Variants in CSMD3 observed in about 807,000 individuals in gnomAD.
CSMD3 encodes the protein CUB and sushi domain-containing protein 3.
CSMD3 carries 177 observed loss-of-function variants against 435.2 expected under a neutral mutation model. The observed-to-expected ratio is 0.41, with a 90% confidence interval of 0.36 to 0.46. The LOEUF (loss-of-function observed/expected upper bound fraction) is 0.46, where lower values mean the gene tolerates loss of function less well. Ranked by LOEUF, CSMD3 falls within the 20% of genes least tolerant of loss-of-function variation. The pLI, the probability that CSMD3 is intolerant of heterozygous loss-of-function variation, is 0.34. For synonymous variants in CSMD3, 1,656 were observed against 1,520.5 expected (o/e 1.09, Z -2.07); for missense variants, 4,265 against 4,504.6 (o/e 0.95, Z 1.52).
chr8:112,369,774 A>T (rs1303059980), intron 38 of CSMD3, among the ~76,000 whole-genome samples: 1 of 151,998 alleles, frequency 6.6e-6, no homozygotes, highest in African/African-American at 2.4e-5. Context: ...CGGGGCTTAA[A>T]ACCTGGATTA....
intron 5 of CSMD3, among the ~76,000 whole-genome samples, chr8:113,076,812 T>C (rs9297488): frequency 0.67 from 102,199 of 151,962 alleles, 35,979 homozygotes; most frequent in East Asian, 0.95. Flanking sequence ...AAAGTCAAGG[T>C]AAACAATTTA....
chr8:112,817,790 A>T (rs10100915), intron 12 of CSMD3, among the ~76,000 whole-genome samples: 1 of 151,776 alleles, frequency 6.6e-6, no homozygotes, highest in African/African-American at 2.4e-5. Flanking sequence ...AATTTTCATC[A>T]TTTTAGAAAT....
At position 112,337,603 on chromosome 8, in the gene CSMD3, C is replaced by T. The variant is rs562427558; in HGVS notation, c.6781G>A (p.Ala2261Thr). ...CTGACTCCGTGAAGGCATGTGAGAG[C>T]TGAATTTCCAATTAATGTGTATCCT... ...FPGYTLIGNS[A>T]LTCLHGVSRN... Residue 2261 changes from alanine (A) to threonine (T), a missense_variant, in exon 43 of 71, where the codon GCT (alanine) becomes ACT (threonine). By Grantham distance (58) the Ala-to-Thr change is moderately conservative (BLOSUM62 0). This residue lies in a region of CSMD3 where 3,255 missense variants were observed against 3,380.2 expected (regional missense o/e 0.96). Transcript: ENST00000297405. The T allele has an allele frequency of 6.2e-7, 1 of 1,613,826 alleles. No homozygotes were observed.
intron 2 of CSMD3, chr8:113,311,246 T>C (rs1189962189): frequency 1.3e-5 from 2 of 152,102 alleles, no homozygotes; most frequent in African/African-American, 2.4e-5. Flanking sequence ...AGAAAGAAAT[T>C]ATCTAACGGT....
At chr8:112,465,974 C>CAA (rs201876803) in intron 32 of CSMD3, among the ~76,000 whole-genome samples, 3,029 of 114,074 alleles carry the variant, frequency 0.027, 122 homozygotes, top group African/African-American at 0.096. Context: ...GACACCATCT[C>CAA]AAAAAAAAAA....
At chr8:112,357,735 T>C (rs1826771633) in intron 38 of CSMD3, among the ~76,000 whole-genome samples, 2 of 152,174 alleles carry the variant, frequency 1.3e-5, no homozygotes, top group South Asian at 2.1e-4. Flanking sequence ...AAGTCAAGAA[T>C]TGAGGTTTGG....
At chr8:112,593,168 T>G (rs758242811) in intron 22 of CSMD3, among the ~76,000 whole-genome samples, 3 of 152,178 alleles carry the variant, frequency 2.0e-5, no homozygotes, top group Non-Finnish European at 2.9e-5. Flanking sequence ...TTCTAAGACA[T>G]TTGAACTTTA....
At chr8:112,904,752 A>G (rs1340367295) in intron 10 of CSMD3, among the ~76,000 whole-genome samples, 1 of 151,438 alleles carries the variant, frequency 6.6e-6, no homozygotes. Context: ...TTTAGATGAT[A>G]GAATTGCCCT....
intron 23 of CSMD3, among the ~76,000 whole-genome samples, chr8:112,577,135 A>C (rs1260401027): frequency 6.6e-6 from 1 of 152,108 alleles, no homozygotes; most frequent in African/African-American, 2.4e-5. Context: ...CTTAATCAAC[A>C]TGAAAGGCAA....
intron 3 of CSMD3, among the ~76,000 whole-genome samples, chr8:113,197,760 AAAC>A (rs2092674792): frequency 6.6e-6 from 1 of 151,302 alleles, no homozygotes; most frequent in Non-Finnish European, 1.5e-5. Context: ...TAATAATTGT[AAAC>A]ATCATATAAT....
intron 32 of CSMD3, among the ~76,000 whole-genome samples, chr8:112,418,704 T>A (rs1812168133): frequency 6.6e-6 from 1 of 152,186 alleles, no homozygotes; most frequent in East Asian, 1.9e-4. Flanking sequence ...GAGCTACTGT[T>A]TTTTAAAACT....
At chr8:112,309,325 T>C (rs1457259431) in intron 50 of CSMD3, among the ~76,000 whole-genome samples, 2 of 151,710 alleles carry the variant, frequency 1.3e-5, no homozygotes, top group African/African-American at 4.8e-5. Flanking sequence ...CATATAGGAG[T>C]GTGTATGTGT....
chr8:113,045,284 A>G (rs1236734634), intron 5 of CSMD3, among the ~76,000 whole-genome samples: 1 of 149,164 alleles, frequency 6.7e-6, no homozygotes, highest in Non-Finnish European at 1.5e-5. Context: ...ACCTGCATAT[A>G]TTGGTTACTC....
chr8:112,999,122 T>C (rs1001521068), intron 6 of CSMD3, among the ~76,000 whole-genome samples: 1 of 151,912 alleles, frequency 6.6e-6, no homozygotes, highest in African/African-American at 2.4e-5. Context: ...ACTCAGCATA[T>C]AGCAGTGTAC....
At chr8:113,044,530 A>C (rs933501444) in intron 5 of CSMD3, among the ~76,000 whole-genome samples, 2 of 149,294 alleles carry the variant, frequency 1.3e-5, no homozygotes, top group Non-Finnish European at 3.0e-5. Context: ...ATATTCTATA[A>C]AGTATCTTTT....
At chr8:112,601,763 C>T (rs1832371474) in intron 22 of CSMD3, among the ~76,000 whole-genome samples, 1 of 152,084 alleles carries the variant, frequency 6.6e-6, no homozygotes, top group Non-Finnish European at 1.5e-5. Flanking sequence ...GCAGGAGTAA[C>T]TTTTAGTTTT....
rs111557237 is a variant in CSMD3 at position 112,587,248 on chromosome 8, C to T, written c.3716-13G>A. 8 of 1,598,404 alleles carry T rather than the reference C, an allele frequency of 5.0e-6. No homozygotes were observed. The highest frequency in any genetic ancestry group is 4.0e-5 in the African/African-American group (3 of 74,670). On this transcript the variant is annotated splice_polypyrimidine_tract_variant and intron_variant, in intron 22 of 70. Transcript: ENST00000297405. ...GCACCACATTCAGCTGCAGGTAAAA[C>T]AGAATATTGAAGTACAGTTTAATAG...
chr8:113,129,192 A>T (rs2091220750), intron 4 of CSMD3, among the ~76,000 whole-genome samples: 1 of 152,284 alleles, frequency 6.6e-6, no homozygotes, highest in Middle Eastern at 3.4e-3. Flanking sequence ...TTGTGAGCAT[A>T]GCTTAGGCAA....
At chr8:112,417,265 A>G (rs986897039) in intron 32 of CSMD3, among the ~76,000 whole-genome samples, 1 of 152,194 alleles carries the variant, frequency 6.6e-6, no homozygotes, top group Non-Finnish European at 1.5e-5. Context: ...TTCTGGAATC[A>G]GACTCTCAAG....
Sources: allele counts gnomAD v4.1 joint callset (sites outside exome capture counted in the v4.1 genomes callset), GRCh38; gene constraint gnomAD v4.1.1; regional missense constraint gnomAD v4.1.1; transcripts MANE v1.5; gene names NCBI Gene and HGNC (gene_info 2026-07-23, HGNC 2026-07-21).